The following GRM8 variants were observed in gnomAD, a reference collection of about 807,000 sequenced individuals.
The protein encoded by GRM8 is metabotropic glutamate receptor 8.
GRM8 carries 47 observed loss-of-function variants against 87.2 expected under a neutral mutation model. The observed-to-expected ratio is 0.54, with a 90% confidence interval of 0.43 to 0.69. The LOEUF (loss-of-function observed/expected upper bound fraction) is 0.69. GRM8 is among the 30% of genes least tolerant of loss of function. The pLI is 0.00. For missense variants in GRM8, 1,019 were observed against 1,139.2 expected (o/e 0.89, Z 1.52); for synonymous variants, 396 against 404.5 (o/e 0.98, Z 0.25).
intron 3 of GRM8, among the ~76,000 whole-genome samples, chr7:127,046,778 T>G (rs1451197543): frequency 1.3e-5 from 2 of 152,184 alleles, no homozygotes; most frequent in East Asian, 1.9e-4. Context: ...TATAAACATT[T>G]CTCTTTCTTG....
intron 7 of GRM8, among the ~76,000 whole-genome samples, chr7:126,742,924 A>G (rs1044231515): frequency 2.0e-5 from 3 of 151,794 alleles, no homozygotes; most frequent in African/African-American, 7.3e-5. Context: ...GCGGGAAGGG[A>G]CTCTATCTTA....
chr7:126,738,672 A>G (rs1814528393), intron 7 of GRM8, among the ~76,000 whole-genome samples: 1 of 128,020 alleles, frequency 7.8e-6, no homozygotes, highest in Non-Finnish European at 1.6e-5. Context: ...AAGCCATAGG[A>G]GTGGTCAAGA....
At chr7:127,069,857 C>G (rs1022671443) in intron 3 of GRM8, among the ~76,000 whole-genome samples, 4 of 152,086 alleles carry the variant, frequency 2.6e-5, no homozygotes, top group Non-Finnish European at 4.4e-5. Flanking sequence ...GTACTATAAC[C>G]CACAACTGGC....
rs147639816 is a variant in GRM8 at position 126,533,073 on chromosome 7, G to A, written c.2309C>T (p.Thr770Met). The stretch of plus-strand genomic sequence containing the variant: ...ATTGAAAGTCTCTGGGACACCTCTC[G>A]TTTTAATGGCATAAACAGTACAAGT... ...MVTCTVYAIK[T>M]RGVPETFNEA... Residue 770 changes from threonine to methionine, a missense_variant, in exon 9 of 11, where the codon ACG becomes ATG. Thr to Met is a moderately conservative substitution (Grantham distance 81). Transcript: ENST00000339582. 21 of 1,613,112 alleles carry A rather than the reference G, an allele frequency of 1.3e-5. No individual in the cohort carries two copies. The highest frequency in any genetic ancestry group is 5.4e-5 in the African/African-American group (4 of 74,756).
chr7:127,186,351 T>G (rs1021360513), intron 2 of GRM8, among the ~76,000 whole-genome samples: 181 of 152,230 alleles, frequency 1.2e-3, no homozygotes, highest in African/African-American at 4.1e-3. Flanking sequence ...TTCTACCTTG[T>G]GTCCAATCTG....
chr7:127,226,999 G>C (rs886209274), intron 2 of GRM8, among the ~76,000 whole-genome samples: 2 of 152,178 alleles, frequency 1.3e-5, no homozygotes, highest in African/African-American at 4.8e-5. Context: ...GGTATAAAAA[G>C]CTGTTTTTAT....
chr7:126,587,621 T>C (rs1476355463), intron 8 of GRM8, among the ~76,000 whole-genome samples: 1 of 141,120 alleles, frequency 7.1e-6, no homozygotes, highest in African/African-American at 2.7e-5. Context: ...AGGTGGGAAT[T>C]GAACAATGAG....
chr7:126,921,717 G>A (rs948310297), intron 3 of GRM8, among the ~76,000 whole-genome samples: 2 of 152,026 alleles, frequency 1.3e-5, no homozygotes, highest in African/African-American at 2.4e-5. Context: ...AAGAAAGCAA[G>A]TTAACTATAT....
intron 2 of GRM8, among the ~76,000 whole-genome samples, chr7:127,227,591 TGTTTC>T (rs1797419060): frequency 6.6e-6 from 1 of 152,210 alleles, no homozygotes; most frequent in Non-Finnish European, 1.5e-5. Flanking sequence ...GTGTTTACGG[TGTTTC>T]CCTAACATCC....
chr7:126,877,529 G>T (rs1034451778), intron 6 of GRM8, among the ~76,000 whole-genome samples: 3 of 152,164 alleles, frequency 2.0e-5, no homozygotes, highest in African/African-American at 7.2e-5. Flanking sequence ...AAGTTCTATT[G>T]GACAGTGCTA....
chr7:126,696,464 C>A (rs1427982720), intron 7 of GRM8, among the ~76,000 whole-genome samples: 1 of 152,078 alleles, frequency 6.6e-6, no homozygotes, highest in Non-Finnish European at 1.5e-5. Context: ...CTCCCACTTA[C>A]AAGTGAGAAC....
At chr7:126,734,013 T>C (rs944621960) in intron 7 of GRM8, among the ~76,000 whole-genome samples, 3 of 152,046 alleles carry the variant, frequency 2.0e-5, no homozygotes, top group Admixed American at 6.6e-5. Flanking sequence ...TATCAATAAC[T>C]TCTTAATATA....
chr7:126,853,330 G>A (rs1586199410), intron 6 of GRM8, among the ~76,000 whole-genome samples: 1 of 151,634 alleles, frequency 6.6e-6, no homozygotes, highest in Admixed American at 6.6e-5. Context: ...TTTTTTGTTT[G>A]TTTTTTTTAA....
intron 4 of GRM8, 130 bp downstream of exon 4, chr7:126,904,418 G>C: frequency 2.2e-6 from 2 of 891,230 alleles, no homozygotes; most frequent in South Asian, 1.7e-5. Context: ...AGGTATTTCA[G>C]ATTTACAAAC....
chr7:127,138,119 G>C (rs1828042353), intron 2 of GRM8, among the ~76,000 whole-genome samples: 2 of 152,128 alleles, frequency 1.3e-5, no homozygotes, highest in African/African-American at 4.8e-5. Context: ...AAAGAATGTT[G>C]AAAACAGATA....
intron 8 of GRM8, among the ~76,000 whole-genome samples, chr7:126,589,978 C>A (rs1350625323): frequency 6.6e-6 from 1 of 151,948 alleles, no homozygotes; most frequent in African/African-American, 2.4e-5. Flanking sequence ...TTGTTTAGCA[C>A]CCTCAAAATA....
intron 9 of GRM8, among the ~76,000 whole-genome samples, chr7:126,528,337 C>T (rs780630734): frequency 8.5e-5 from 13 of 152,128 alleles, no homozygotes; most frequent in African/African-American, 2.7e-4. Flanking sequence ...CATCCTCCTA[C>T]GCAATTCATT....
intron 6 of GRM8, among the ~76,000 whole-genome samples, chr7:126,820,211 C>T (rs1000305091): frequency 3.3e-5 from 5 of 152,058 alleles, no homozygotes; most frequent in African/African-American, 1.2e-4. Context: ...ATTTGAAATA[C>T]ACCTATTGAA....
intron 9 of GRM8, among the ~76,000 whole-genome samples, chr7:126,501,079 A>T (rs1389240376): frequency 1.3e-5 from 2 of 151,996 alleles, no homozygotes; most frequent in Non-Finnish European, 2.9e-5. Flanking sequence ...TTATGGTAAG[A>T]CTTCATACTC....
Sources: gnomAD v4.1 joint callset for allele counts (sites outside exome capture counted in the v4.1 genomes callset) on GRCh38, gnomAD v4.1.1 for gene constraint, MANE v1.5 for transcripts, NCBI Gene and HGNC (gene_info 2026-07-23, HGNC 2026-07-21) for gene names.